The following RNF182 variants were observed in gnomAD, a reference collection of about 807,000 sequenced individuals.
RNF182 encodes the protein ring finger protein 182.
In RNF182, 15 loss-of-function variants were observed where a neutral mutation model predicts 14.4. That is an observed-to-expected ratio of 1.04 (90% CI 0.70 to 1.60). RNF182 has a LOEUF of 1.60. Among genes scored for constraint, RNF182 ranks in the 40% most tolerant of loss-of-function variants. RNF182 has a pLI of 0.00. For synonymous variants in RNF182, 128 were observed against 122.9 expected (o/e 1.04, Z -0.27); for missense variants, 268 against 294.8 (o/e 0.91, Z 0.67).
chr6:13,925,583 C>T (rs1020135618), intron 1 of RNF182, among the ~76,000 whole-genome samples: 13 of 152,072 alleles, frequency 8.5e-5, no homozygotes, highest in African/African-American at 3.1e-4. Context: ...TGCAGTTGCA[C>T]CTATAACTGG....
chr6:13,924,671 G>A (rs751716979), upstream of RNF182: 1 of 152,104 alleles, frequency 6.6e-6, no homozygotes, highest in Non-Finnish European at 1.5e-5. Context: ...TGCCTACTAG[G>A]ATGCGAATAC....
At position 13,964,553 on chromosome 6, in the gene RNF182, C is replaced by T. The variant is rs114632828; in HGVS notation, c.-366-9657C>T. On this transcript the variant is annotated intron_variant, in intron 1 of 2. Transcript: ENST00000488300. ...TCTCAATTCTACTCTATCTGCCTTT[C>T]CTGATCCCAACGACTCCTGGAGCCA... Among the ~76,000 whole-genome samples the T allele has an allele frequency of 8.8e-3, 1,336 of 152,276 alleles. 18 individuals are homozygous for T. The highest frequency in any genetic ancestry group is 0.03 in the African/African-American group (1,256 of 41,538).
intron 1 of RNF182, among the ~76,000 whole-genome samples, chr6:13,945,813 T>C (rs1277715503): frequency 6.6e-6 from 1 of 152,212 alleles, no homozygotes; most frequent in Admixed American, 6.5e-5. Context: ...CCAGTGGATC[T>C]GTTACCAGAA....
chr6:13,972,828 A>G (rs1261737406), intron 1 of RNF182, among the ~76,000 whole-genome samples: 2 of 152,160 alleles, frequency 1.3e-5, no homozygotes, highest in Admixed American at 6.5e-5. Flanking sequence ...AACTTCTGCT[A>G]GGGCAGTGTG....
intron 1 of RNF182, among the ~76,000 whole-genome samples, chr6:13,929,894 G>C (rs1180556241): frequency 6.6e-6 from 1 of 152,064 alleles, no homozygotes; most frequent in Non-Finnish European, 1.5e-5. Context: ...AAAACCTAAA[G>C]TCATAAAACA....
chr6:13,943,033 C>G (rs1759339453), intron 1 of RNF182, among the ~76,000 whole-genome samples: 1 of 152,078 alleles, frequency 6.6e-6, no homozygotes, highest in South Asian at 2.1e-4. Flanking sequence ...TTCTGAAATT[C>G]TTATTTGGTA....
At chr6:13,944,213 G>C (rs1759378217) in intron 1 of RNF182, among the ~76,000 whole-genome samples, 1 of 152,138 alleles carries the variant, frequency 6.6e-6, no homozygotes, top group Non-Finnish European at 1.5e-5. Flanking sequence ...AAGCTTTCAG[G>C]AGTAAATGCT....
intron 1 of RNF182, among the ~76,000 whole-genome samples, chr6:13,963,767 A>G (rs1759940936): frequency 6.6e-6 from 1 of 152,196 alleles, no homozygotes; most frequent in Non-Finnish European, 1.5e-5. Flanking sequence ...AGCAAGTCAC[A>G]AGGCCAAGAT....
At chr6:13,929,052 C>T (rs982922542) in intron 1 of RNF182, among the ~76,000 whole-genome samples, 13 of 152,156 alleles carry the variant, frequency 8.5e-5, no homozygotes, top group African/African-American at 3.1e-4. Flanking sequence ...GGTGCTGGTC[C>T]TGGTCACTTG....
chr6:13,966,637 C>T (rs1407191057), intron 1 of RNF182, among the ~76,000 whole-genome samples: 1 of 151,980 alleles, frequency 6.6e-6, no homozygotes, highest in Non-Finnish European at 1.5e-5. Flanking sequence ...GTGGCGCACA[C>T]CTGTAATCTC....
chr6:13,959,552 G>A (rs541064506), intron 1 of RNF182, among the ~76,000 whole-genome samples: 2 of 152,262 alleles, frequency 1.3e-5, no homozygotes, highest in East Asian at 3.9e-4. Flanking sequence ...CAATGAACAA[G>A]GTCAAAACCT....
At chr6:13,948,974 G>T in intron 1 of RNF182, 1 of 367,614 alleles carries the variant, frequency 2.7e-6, no homozygotes, top group Non-Finnish European at 4.9e-6. Context: ...TACTATTAAT[G>T]TCAAATCCAA....
intron 1 of RNF182, among the ~76,000 whole-genome samples, chr6:13,954,467 G>A (rs1759679253): frequency 1.3e-5 from 2 of 152,156 alleles, no homozygotes; most frequent in Non-Finnish European, 2.9e-5. Flanking sequence ...TGGCCTGTGG[G>A]CCACATGCTG....
chr6:13,945,662 T>G (rs1759421039), intron 1 of RNF182, among the ~76,000 whole-genome samples: 1 of 152,236 alleles, frequency 6.6e-6, no homozygotes. Flanking sequence ...CTTATTTGTG[T>G]TAAGACCTAT....
At chr6:13,973,569 C>T (rs922329728) in intron 1 of RNF182, among the ~76,000 whole-genome samples, 1 of 152,240 alleles carries the variant, frequency 6.6e-6, no homozygotes, top group South Asian at 2.1e-4. Flanking sequence ...AGTGAGTTCT[C>T]ACAAGATCTC....
intron 1 of RNF182, among the ~76,000 whole-genome samples, chr6:13,940,118 T>TTTGGGA: frequency 6.6e-6 from 1 of 152,354 alleles, no homozygotes; most frequent in East Asian, 1.9e-4. Flanking sequence ...AAGCATTCAA[T>TTTGGGA]ATTTAAAATA....
At chr6:13,952,198 C>T (rs561309288) in intron 1 of RNF182, among the ~76,000 whole-genome samples, 1 of 152,260 alleles carries the variant, frequency 6.6e-6, no homozygotes, top group African/African-American at 2.4e-5. Context: ...AAGACCCACC[C>T]AGTGCAGCAA....
chr6:13,939,139 A>G (rs1333019910), intron 1 of RNF182, among the ~76,000 whole-genome samples: 1 of 152,190 alleles, frequency 6.6e-6, no homozygotes, highest in Non-Finnish European at 1.5e-5. Flanking sequence ...ATCAGGTAGT[A>G]TAAGTTCTTC....
intron 1 of RNF182, among the ~76,000 whole-genome samples, chr6:13,969,996 T>C (rs1225415885): frequency 6.6e-6 from 1 of 152,180 alleles, no homozygotes; most frequent in African/African-American, 2.4e-5. Flanking sequence ...GATATGTCCA[T>C]CCTAGAGATT....
Sources: allele counts gnomAD v4.1 joint callset (sites outside exome capture counted in the v4.1 genomes callset), GRCh38; gene constraint gnomAD v4.1.1; transcripts MANE v1.5; gene names NCBI Gene and HGNC (gene_info 2026-07-23, HGNC 2026-07-21).